The following NFAT5 variants were observed in gnomAD, a reference collection of about 807,000 sequenced individuals.
NFAT5 encodes nuclear factor of activated T cells 5, also known as nuclear factor of activated T-cells 5.
Under a neutral mutation model 166.5 loss-of-function variants are expected in NFAT5, and 31 were observed. The ratio of observed to expected loss-of-function variants is 0.19; its 90% CI spans 0.14 to 0.25. The LOEUF is 0.25. Ranked by LOEUF, NFAT5 falls within the 10% of genes least tolerant of loss-of-function variation. NFAT5 has a pLI of 1.00. For missense variants in NFAT5, 1,449 were observed against 1,821.8 expected (o/e 0.80, Z 3.72); for synonymous variants, 612 against 639.7 (o/e 0.96, Z 0.65).
chr16:69,581,015 T>A (rs1467869357), intron 2 of NFAT5, among the ~76,000 whole-genome samples: 2 of 152,044 alleles, frequency 1.3e-5, no homozygotes, highest in Non-Finnish European at 2.9e-5. Flanking sequence ...TGAGAAAAAA[T>A]TCGGTTAACA....
chr16:69,589,211 C>G (rs2032307973), intron 2 of NFAT5, among the ~76,000 whole-genome samples: 1 of 151,990 alleles, frequency 6.6e-6, no homozygotes, highest in Non-Finnish European at 1.5e-5. Context: ...TCAGGCTGGT[C>G]TTGAACTCCC....
intron 2 of NFAT5, among the ~76,000 whole-genome samples, chr16:69,619,087 A>C (rs2034085755): frequency 6.6e-6 from 1 of 152,178 alleles, no homozygotes; most frequent in Non-Finnish European, 1.5e-5. Flanking sequence ...TTTGAAAGTA[A>C]ATAAGACAGT....
intron 2 of NFAT5, among the ~76,000 whole-genome samples, chr16:69,594,862 C>T (rs1253884863): frequency 1.3e-5 from 2 of 152,130 alleles, no homozygotes; most frequent in Non-Finnish European, 2.9e-5. Flanking sequence ...AGCTGAGGAG[C>T]AGGGAAGCCA....
At chr16:69,671,786 ATTACCATC>A (rs1469146611) in intron 9 of NFAT5, among the ~76,000 whole-genome samples, 1 of 152,244 alleles carries the variant, frequency 6.6e-6, no homozygotes, top group East Asian at 1.9e-4. Flanking sequence ...TCAGGAAGAC[ATTACCATC>A]TTGGCATAGC....
At chr16:69,655,573 T>C in intron 5 of NFAT5, 36 bp from the exon 6 acceptor site, 2 of 1,454,734 alleles carry the variant, frequency 1.4e-6, no homozygotes, top group African/African-American at 2.8e-5. Context: ...TTTGAAATAC[T>C]AATTAGTGTT....
rs1193523494 is a variant in NFAT5 at position 69,703,858 on chromosome 16, T to C, written c.*7507T>C. The C allele has an allele frequency of 6.6e-6, 1 of 152,656 alleles. No homozygotes were observed. The highest frequency in any genetic ancestry group is 1.5e-5 in the Non-Finnish European group (1 of 68,062). The allele number at this position is 152,656 out of a possible 1,614,324, so 9.5% of individuals were successfully genotyped here. A position where few individuals can be genotyped will look rare whatever the true frequency, so the allele number is the denominator to read the frequency against. ...GTAATAACTCCTTTAAAAAATTCCA[T>C]GTTTAACCATATGACCCTGCTTGCT... is the stretch of plus-strand genomic sequence containing the variant. On this transcript the variant is annotated 3_prime_UTR_variant, in exon 15 of 15. Transcript: ENST00000349945.
At chr16:69,600,915 G>A (rs772249511) in intron 2 of NFAT5, among the ~76,000 whole-genome samples, 2 of 152,100 alleles carry the variant, frequency 1.3e-5, no homozygotes, top group African/African-American at 4.8e-5. Context: ...TCAGGATTGG[G>A]TATGATTAAC....
chr16:69,657,234 G>A (rs1277911040), intron 6 of NFAT5, among the ~76,000 whole-genome samples: 13 of 151,432 alleles, frequency 8.6e-5, no homozygotes, highest in African/African-American at 2.2e-4. Context: ...GGGTTCAAGC[G>A]ATTCTCCTCC....
In NFAT5 at chr16:69,653,184, T is replaced by A. The variant is rs565557319; in HGVS notation, c.813-52T>A. 2.2e-4 allele frequency: 278 copies of A among 1,272,152 alleles called. 2 individuals carry two copies. Among genetic ancestry groups the A allele is most frequent in the South Asian group, 1.1e-3 (75 of 67,876 alleles). The allele number at this position is 1,272,152 out of a possible 1,614,324, so 78.8% of individuals were successfully genotyped here. The stretch of plus-strand genomic sequence containing the variant: ...CTTTGTCTTAATGGCTTTTTTTTTT[T>A]ATCAAAAAACTCTTTTTGATACTTT... On this transcript the variant is annotated intron_variant, in intron 4 of 14. Coordinates refer to ENST00000349945, the MANE Select transcript of NFAT5 (RefSeq NM_138713.4).
chr16:69,573,502 CTAA>C (rs2016561778), intron 2 of NFAT5, among the ~76,000 whole-genome samples: 2 of 151,958 alleles, frequency 1.3e-5, no homozygotes, highest in Non-Finnish European at 2.9e-5. Context: ...TGTTTAGTAT[CTAA>C]TAATCTCTGT....
intron 4 of NFAT5, among the ~76,000 whole-genome samples, chr16:69,652,982 A>T (rs1012991074): frequency 1.3e-5 from 2 of 152,112 alleles, no homozygotes; most frequent in African/African-American, 4.8e-5. Flanking sequence ...TACCACTCAC[A>T]TACGTTCATT....
In NFAT5 at chr16:69,614,864, T is replaced by C. The variant is rs988777088; in HGVS notation, c.128-11539T>C. On this transcript the variant is annotated intron_variant, in intron 2 of 14. Transcript: ENST00000349945. ...TTCCTTGGTGTTTCCTGGACTTTTATGGTTTTCTTTTTCCTTTTTTTTTTT... is the reference window on the plus strand; with the variant it reads ...TTCCTTGGTGTTTCCTGGACTTTTACGGTTTTCTTTTTCCTTTTTTTTTTT... Among the ~76,000 whole-genome samples the C allele has an allele frequency of 2.2e-5, 3 of 137,578 alleles. No homozygotes were observed. In the South Asian group the frequency reaches 7.0e-4, roughly 32 times the overall value. The allele number at this position is 137,578 out of a possible 152,430, so 90.3% of individuals were successfully genotyped here. A position where few individuals can be genotyped will look rare whatever the true frequency, so the allele number is the denominator to read the frequency against.
chr16:69,648,780 A>G (rs2035554323), intron 4 of NFAT5: 8 of 966,776 alleles, frequency 8.3e-6, no homozygotes, highest in Non-Finnish European at 9.8e-6. Flanking sequence ...AAAGTGGTCA[A>G]GAAGCTTTAG....
chr16:69,577,296 A>T (rs541989156), intron 2 of NFAT5, among the ~76,000 whole-genome samples: 1 of 152,284 alleles, frequency 6.6e-6, no homozygotes, highest in Admixed American at 6.5e-5. Context: ...AGTCTCTTCT[A>T]ATAAGCTATA....
chr16:69,579,734 A>G (rs1320290541), intron 2 of NFAT5, among the ~76,000 whole-genome samples: 1 of 152,206 alleles, frequency 6.6e-6, no homozygotes, highest in Non-Finnish European at 1.5e-5. Flanking sequence ...AAAAATGGTA[A>G]AGATGATAAT....
intron 2 of NFAT5, among the ~76,000 whole-genome samples, chr16:69,602,389 C>G (rs1288477073): frequency 2.6e-5 from 4 of 151,372 alleles, no homozygotes; most frequent in Admixed American, 6.6e-5. Flanking sequence ...GCCTCAGCCT[C>G]CCTAGTAGCT....
At chr16:69,628,461 A>G (rs1056015694) in intron 3 of NFAT5, among the ~76,000 whole-genome samples, 38 of 152,160 alleles carry the variant, frequency 2.5e-4, no homozygotes, top group African/African-American at 8.4e-4. Flanking sequence ...TTAACAAGTC[A>G]TTTAAAATCT....
At chr16:69,656,184 G>A (rs749179583) in intron 6 of NFAT5, among the ~76,000 whole-genome samples, 31 of 151,466 alleles carry the variant, frequency 2.0e-4, no homozygotes, top group Non-Finnish European at 4.4e-4. Context: ...GGGAGGCTGA[G>A]GCAGGAGAAT....
intron 2 of NFAT5, among the ~76,000 whole-genome samples, chr16:69,598,797 G>A (rs527826994): frequency 6.6e-5 from 10 of 152,172 alleles, no homozygotes; most frequent in Admixed American, 5.9e-4. Context: ...GGCTGAGGTG[G>A]GTGGGTCACC....
Sources: allele counts gnomAD v4.1 joint callset (sites outside exome capture counted in the v4.1 genomes callset), GRCh38; gene constraint gnomAD v4.1.1; transcripts MANE v1.5; gene names NCBI Gene and HGNC (gene_info 2026-07-23, HGNC 2026-07-21).